Variants in NIN observed in about 807,000 individuals in gnomAD.
NIN encodes ninein, also known as glycogen synthase kinase 3 beta-interacting protein.
In NIN, 137 loss-of-function variants were observed where a neutral mutation model predicts 257.6. That is an observed-to-expected ratio of 0.53 (90% confidence interval 0.46 to 0.61). The LOEUF is 0.61. Ranked by LOEUF, NIN falls within the 20% of genes least tolerant of loss-of-function variation. The probability of loss-of-function intolerance (pLI) is 0.00; values close to 1 mark genes in which losing one functional copy is unlikely to be tolerated. For missense variants in NIN, 2,439 were observed against 2,501.2 expected (o/e 0.98, Z 0.53); for synonymous variants, 918 against 919.8 (o/e 1.00, Z 0.04).
intron 4 of NIN, among the ~76,000 whole-genome samples, chr14:50,801,121 C>T (rs1232093631): frequency 1.5e-5 from 2 of 131,564 alleles, no homozygotes; most frequent in Admixed American, 8.7e-5. Flanking sequence ...GACAGAGTCT[C>T]GCTTTGTCAC....
At chr14:50,768,071 AC>A (rs2042580018) in intron 12 of NIN, among the ~76,000 whole-genome samples, 1 of 149,342 alleles carries the variant, frequency 6.7e-6, no homozygotes, top group Non-Finnish European at 1.5e-5. Context: ...ACACACACAC[AC>A]ACACACACAC....
rs1418953108 is a variant in NIN at position 50,737,535 on chromosome 14, G to A, written c.5775+605C>T. On this transcript the variant is annotated intron_variant, in intron 27 of 30. Transcript: ENST00000530997. ...AAAAAAAAAAAGCCCATATTAAGAT[G>A]TTTCTAATATTCGAGTGATAAATAT... Among the ~76,000 whole-genome samples, 5 of 135,328 alleles carry A rather than the reference G, an allele frequency of 3.7e-5. No individual in the cohort carries two copies. In the East Asian group the frequency reaches 1.2e-3, roughly 32 times the overall value. 88.8% of individuals were successfully genotyped at this position (135,328 alleles called of 152,430 possible).
At chr14:50,745,896 T>A (rs1055880965) in intron 22 of NIN, among the ~76,000 whole-genome samples, 3 of 152,152 alleles carry the variant, frequency 2.0e-5, no homozygotes, top group African/African-American at 7.2e-5. Flanking sequence ...AGGTCCACGT[T>A]GTATAATAGC....
chr14:50,777,402 T>A (rs534378664), intron 6 of NIN, among the ~76,000 whole-genome samples: 9 of 152,318 alleles, frequency 5.9e-5, no homozygotes, highest in African/African-American at 2.2e-4. Flanking sequence ...ACTGCAAAGT[T>A]CTAGGCTTGT....
chr14:50,758,073 TTGGACATCA>T lies in NIN; in HGVS notation c.2948_2956del (p.Met983_Ser985del). 1 of 1,614,230 alleles carries T rather than the reference TTGGACATCA, an allele frequency of 6.2e-7. No individual in the cohort carries two copies. The highest frequency in any genetic ancestry group is 8.5e-7 in the Non-Finnish European group (1 of 1,180,032). ...GTGAATGTTCTCCATGGCTAGAAGC[TTGGACATCA>T]TTTCCTGCCTTTCCTGGTCATGTTC... On this transcript the variant is annotated inframe_deletion, in exon 18 of 31. Transcript: ENST00000530997.
Position 50,757,573 on chromosome 14 carries a change from G to A in NIN, c.3457C>T (p.Arg1153Trp), listed in dbSNP as rs757331038. 12 of 1,613,872 alleles carry A rather than the reference G, an allele frequency of 7.4e-6. No individual in the cohort carries two copies. The highest frequency in any genetic ancestry group is 2.2e-5 in the South Asian group (2 of 91,080). The change falls in exon 18 of 31, where the codon CGG becomes TGG. Residue 1153 changes from arginine (R) to tryptophan (W), a missense_variant. Physicochemically the swap from Arg to Trp is moderately radical, Grantham distance 101. Around this residue, in one of 3 missense-constraint regions of NIN, gnomAD observed 2,043 missense variants for 2,050.2 expected, o/e 1.00. Coordinates refer to ENST00000530997, the MANE Select transcript of NIN (RefSeq NM_020921.4). ...CTCGTCCCTGTACTTCCCAGGTCCC[G>A]GACCTCATCATCTTCCAGGTCACTT... ...VLSDLEDDEV[R>W]DLGSTGTSSV...
intron 3 of NIN, among the ~76,000 whole-genome samples, chr14:50,812,629 C>T (rs2044687590): frequency 6.6e-6 from 1 of 152,132 alleles, no homozygotes; most frequent in African/African-American, 2.4e-5. Flanking sequence ...GAGACAAAAG[C>T]TGGTAGGGGC....
rs754220921 is a variant in NIN, at chr14:50,729,595, C to A, written c.6006G>T (p.Leu2002=). ...EQFLQLQRQL[L]QAERINQHLQ... ...GGTGCTGGTTTATCCTTTCTGCCTG[C>A]AGCAGCTGGCGTTGAAGCTGCAGAA... Residue 2002 remains leucine (L), a synonymous_variant, in exon 29 of 31, where the codon CTG becomes CTT. Coordinates refer to ENST00000530997, the MANE Select transcript of NIN (RefSeq NM_020921.4). 1.2e-6 allele frequency: 2 copies of A among 1,614,102 alleles called. No individual in the cohort carries two copies. The highest frequency in any genetic ancestry group is 1.3e-5 in the African/African-American group (1 of 75,052).
rs749240546 is a variant in NIN, at chr14:50,757,634, C to T, written c.3396G>A (p.Thr1132=). Residue 1132 remains threonine (T), a synonymous_variant, in exon 18 of 31, where the codon ACG becomes ACA. Transcript: ENST00000530997. The stretch of plus-strand genomic sequence containing the variant: ...GCCTGGTCACACCTTCTACTTGCTT[C>T]GTTCGGTTTTGCTGTAAAAACTGCT... ...QTEQFLQQNR[T]KQVEGVTRRH... The T allele has an allele frequency of 6.8e-6, 11 of 1,614,140 alleles. No individual in the cohort carries two copies. The highest frequency in any genetic ancestry group is 1.6e-4 in the Middle Eastern group (1 of 6,062).
chr14:50,744,137 G>A, intron 23 of NIN, 106 bp downstream of exon 23: 1 of 1,271,094 alleles, frequency 7.9e-7, no homozygotes, highest in Non-Finnish European at 1.1e-6. Flanking sequence ...GGACACTCTG[G>A]AACAACAGAC....
chr14:50,766,256 G>C (rs1342173896), intron 14 of NIN, 51 bp downstream of exon 14: 6 of 1,412,044 alleles, frequency 4.2e-6, no homozygotes, highest in Non-Finnish European at 4.0e-6. Context: ...GGGAAGCTGG[G>C]GTCTGAACCC....
chr14:50,817,261 T>C (rs2044948355), intron 3 of NIN, among the ~76,000 whole-genome samples: 2 of 152,220 alleles, frequency 1.3e-5, no homozygotes, highest in African/African-American at 2.4e-5. Flanking sequence ...GCAGTTAATA[T>C]TGAATGTAAT....
chr14:50,803,758 C>T (rs1252969029), intron 4 of NIN, among the ~76,000 whole-genome samples: 3 of 152,192 alleles, frequency 2.0e-5, no homozygotes, highest in Non-Finnish European at 2.9e-5. Flanking sequence ...GGGATAGTTA[C>T]TTCCATAAAG....
At position 50,723,610 on chromosome 14, in the gene NIN, C is replaced by T. The variant is rs1271685627; in HGVS notation, c.6255G>A (p.Leu2085=). 1 of 1,613,916 alleles carries T rather than the reference C, an allele frequency of 6.2e-7. No homozygotes were observed. The highest frequency in any genetic ancestry group is 1.1e-5 in the South Asian group (1 of 91,086). The change falls in exon 31 of 31, where the codon TTG becomes TTA. Residue 2085 remains leucine, a synonymous_variant. Transcript: ENST00000530997. The stretch of plus-strand genomic sequence containing the variant: ...GTTCAGTCACTTCCAGAGCTTTCAA[C>T]AACTGGGCATTTTCAACATACAAGT... ...VKDLYVENAQ[L]LKALEVTEQR...
intron 5 of NIN, among the ~76,000 whole-genome samples, chr14:50,779,829 T>C (rs2043064077): frequency 1.3e-5 from 2 of 151,854 alleles, no homozygotes; most frequent in Admixed American, 6.6e-5. Flanking sequence ...AGAATGAGCC[T>C]AGTGTATCTG....
chr14:50,826,896 G>C (rs563528438), intron 2 of NIN, among the ~76,000 whole-genome samples: 59 of 152,306 alleles, frequency 3.9e-4, no homozygotes, highest in African/African-American at 1.4e-3. Context: ...CATCATAATA[G>C]ATGCTTTTGG....
At chr14:50,741,120 T>A (rs557107078) in intron 25 of NIN, among the ~76,000 whole-genome samples, 2 of 152,376 alleles carry the variant, frequency 1.3e-5, no homozygotes, top group South Asian at 4.1e-4. Flanking sequence ...AGTCTGTGTA[T>A]AAGTTCCCAG....
At chr14:50,766,261 G>T in intron 14 of NIN, 46 bp downstream of exon 14, 1 of 1,495,420 alleles carries the variant, frequency 6.7e-7, no homozygotes, top group East Asian at 2.3e-5. Context: ...GCTGGGGTCT[G>T]AACCCAGGCA....
Position 50,738,130 on chromosome 14 carries a change from A to T in NIN, c.5775+10T>A. 6.2e-7 allele frequency: 1 copy of T among 1,613,732 alleles called. No homozygotes were observed. The highest frequency in any genetic ancestry group is 2.2e-5 in the East Asian group (1 of 44,862). On this transcript the variant is annotated intron_variant, in intron 27 of 30. Coordinates refer to ENST00000530997, the MANE Select transcript of NIN (RefSeq NM_020921.4). The stretch of plus-strand genomic sequence containing the variant: ...ACACAGATGTACGCCATATATTCTC[A>T]AAAACTCACCTTCCTGTTAGCAGGA...
Sources: allele counts gnomAD v4.1 joint callset (sites outside exome capture counted in the v4.1 genomes callset), GRCh38; gene constraint gnomAD v4.1.1; regional missense constraint gnomAD v4.1.1; transcripts MANE v1.5; gene names NCBI Gene and HGNC (gene_info 2026-07-23, HGNC 2026-07-21).